Variants in PITPNC1 observed in about 807,000 individuals in gnomAD.
The protein encoded by PITPNC1 is phosphatidylinositol transfer protein cytoplasmic 1, also known as cytoplasmic phosphatidylinositol transfer protein 1.
A neutral mutation model predicts 44.7 loss-of-function variants in PITPNC1; 18 were observed. That is an observed-to-expected ratio of 0.40 (90% confidence interval 0.28 to 0.60). The LOEUF is 0.60. Ranked by LOEUF, PITPNC1 falls within the 20% of genes least tolerant of loss-of-function variation. PITPNC1 has a pLI of 0.39. For missense variants in PITPNC1, 290 were observed against 418.4 expected (o/e 0.69, Z 2.68); for synonymous variants, 141 against 149.6 (o/e 0.94, Z 0.42).
chr17:67,557,690 C>T (rs1485950954), intron 4 of PITPNC1, among the ~76,000 whole-genome samples: 3 of 152,258 alleles, frequency 2.0e-5, no homozygotes, highest in African/African-American at 7.2e-5. Context: ...TTCTCACGCT[C>T]TCTGTCCACG....
intron 6 of PITPNC1, among the ~76,000 whole-genome samples, chr17:67,656,653 C>T (rs1438255306): frequency 2.0e-5 from 3 of 152,142 alleles, no homozygotes; most frequent in South Asian, 2.1e-4. Flanking sequence ...CACGTAATCT[C>T]GGTCACACTA....
intron 1 of PITPNC1, among the ~76,000 whole-genome samples, chr17:67,411,672 G>A (rs963604236): frequency 1.3e-5 from 2 of 152,058 alleles, no homozygotes; most frequent in African/African-American, 4.8e-5. Flanking sequence ...TCAGGAACAA[G>A]GTAACGTTAT....
chr17:67,667,670 TAA>T (rs546338527), intron 6 of PITPNC1, among the ~76,000 whole-genome samples: 1 of 138,006 alleles, frequency 7.2e-6, no homozygotes. Context: ...TGATTAAACT[TAA>T]AAAAAAAAAA....
intron 1 of PITPNC1, among the ~76,000 whole-genome samples, chr17:67,498,463 G>T (rs748661531): frequency 9.2e-5 from 14 of 152,170 alleles, no homozygotes; most frequent in Non-Finnish European, 1.8e-4. Flanking sequence ...CATTTAGGTT[G>T]TCTCCAACCC....
chr17:67,666,744 CTG>C (rs958377360), intron 6 of PITPNC1, among the ~76,000 whole-genome samples: 3 of 152,124 alleles, frequency 2.0e-5, no homozygotes, highest in African/African-American at 4.8e-5. Flanking sequence ...TGGGAGTGCA[CTG>C]TGTTTTTTAG....
At chr17:67,439,845 T>G (rs565523968) in intron 1 of PITPNC1, among the ~76,000 whole-genome samples, 1 of 152,168 alleles carries the variant, frequency 6.6e-6, no homozygotes, top group Non-Finnish European at 1.5e-5. Flanking sequence ...CATTTCTTGT[T>G]TATATAGTAT....
At chr17:67,389,040 T>G (rs2038097798) in intron 1 of PITPNC1, among the ~76,000 whole-genome samples, 1 of 152,246 alleles carries the variant, frequency 6.6e-6, no homozygotes, top group African/African-American at 2.4e-5. Context: ...CAGGGTCTCA[T>G]AAAGCTGACA....
At chr17:67,425,166 T>G (rs1190872315) in intron 1 of PITPNC1, among the ~76,000 whole-genome samples, 3 of 139,850 alleles carry the variant, frequency 2.1e-5, no homozygotes, top group Non-Finnish European at 3.0e-5. Context: ...TGCACCCAGG[T>G]GAAATAAACA....
chr17:67,466,881 C>G (rs1466670526), intron 1 of PITPNC1, among the ~76,000 whole-genome samples: 2 of 152,002 alleles, frequency 1.3e-5, no homozygotes, highest in Non-Finnish European at 2.9e-5. Flanking sequence ...TCTTCCCCCC[C>G]AAATCCAGCA....
At chr17:67,519,902 A>G (rs1235077558) in intron 1 of PITPNC1, among the ~76,000 whole-genome samples, 1 of 152,210 alleles carries the variant, frequency 6.6e-6, no homozygotes, top group East Asian at 1.9e-4. Flanking sequence ...TGACCCTCAA[A>G]TATCACTGAG....
intron 5 of PITPNC1, among the ~76,000 whole-genome samples, chr17:67,629,238 C>CTGTGTGTGTGTGTGTGTGTGTGTGTG (rs71139164): frequency 0.055 from 7,238 of 131,156 alleles, 347 homozygotes; most frequent in East Asian, 0.075. Flanking sequence ...CTGGGGTATT[C>CTGTGTGTGTGTGTGTGTGTGTGTGTG]TGTGTGTGTG....
intron 1 of PITPNC1, among the ~76,000 whole-genome samples, chr17:67,427,063 TCTC>T (rs1567985639): frequency 6.6e-6 from 1 of 152,110 alleles, no homozygotes; most frequent in Non-Finnish European, 1.5e-5. Flanking sequence ...CAGGTGACCT[TCTC>T]CTAATCCTGA....
rs1174084635 is a variant in PITPNC1 at position 67,508,706 on chromosome 17, G to A, written c.49-24096G>A. Reference sequence around the variant, plus strand: ...GACAAAAAGACAAATACTTAGCTGAGGTACCTTCAAGAGGCAAATTCATAG... The same window carrying A: ...GACAAAAAGACAAATACTTAGCTGAAGTACCTTCAAGAGGCAAATTCATAG... On this transcript the variant is annotated intron_variant, in intron 1 of 8. Transcript: ENST00000581322. The surrounding 1 kb of genome is among the most constrained non-coding windows in gnomAD (Gnocchi z 4.2). Among the ~76,000 whole-genome samples, 1 of 152,072 alleles carries A rather than the reference G, an allele frequency of 6.6e-6. No homozygotes were observed. The highest frequency in any genetic ancestry group is 2.4e-5 in the African/African-American group (1 of 41,394).
chr17:67,546,769 TCCCTGCCGGGGAGGCC>T (rs762677932), intron 2 of PITPNC1, among the ~76,000 whole-genome samples: 3 of 152,012 alleles, frequency 2.0e-5, no homozygotes, highest in Non-Finnish European at 4.4e-5. Flanking sequence ...TTCTGGCCAG[TCCCTGCCGGGGAGGCC>T]CCGGCAGCCT....
intron 6 of PITPNC1, among the ~76,000 whole-genome samples, chr17:67,640,038 C>T (rs969474040): frequency 2.0e-5 from 3 of 151,876 alleles, no homozygotes; most frequent in African/African-American, 7.3e-5. Flanking sequence ...TGCCTCATGC[C>T]GGGGTACATC....
intron 1 of PITPNC1, among the ~76,000 whole-genome samples, chr17:67,495,045 T>TTTTTTG (rs2039928987): frequency 1.6e-5 from 1 of 62,006 alleles, no homozygotes; most frequent in Non-Finnish European, 3.1e-5. Flanking sequence ...GAGTTGTTTT[T>TTTTTTG]TTTTTTGTTT....
intron 1 of PITPNC1, among the ~76,000 whole-genome samples, chr17:67,499,942 C>T (rs1166410462): frequency 6.6e-6 from 1 of 152,218 alleles, no homozygotes. Context: ...CTTAGTTCTT[C>T]CATTGGTGAG....
intron 4 of PITPNC1, among the ~76,000 whole-genome samples, chr17:67,573,870 T>G (rs62084142): frequency 0.14 from 20,941 of 152,202 alleles, 1,708 homozygotes; most frequent in South Asian, 0.26. Context: ...TACTGACTAC[T>G]CTTTTAATAA....
chr17:67,505,785 T>C (rs1003694526), intron 1 of PITPNC1, among the ~76,000 whole-genome samples: 14 of 152,186 alleles, frequency 9.2e-5, no homozygotes, highest in African/African-American at 3.4e-4. Context: ...CAAGTTGTTT[T>C]TGAGAACACC....
Sources: gnomAD v4.1 joint callset for allele counts (sites outside exome capture counted in the v4.1 genomes callset) on GRCh38, gnomAD v4.1.1 for gene constraint, Gnocchi (gnomAD v3.1) non-coding constraint, MANE v1.5 for transcripts, NCBI Gene and HGNC (gene_info 2026-07-23, HGNC 2026-07-21) for gene names.